The following DNMBP variants were observed in gnomAD, a reference collection of about 807,000 sequenced individuals.
DNMBP encodes the protein dynamin binding protein.
In DNMBP, 87 loss-of-function variants were observed where a neutral mutation model predicts 150.0. The observed-to-expected ratio is 0.58, with a 90% confidence interval of 0.49 to 0.69. The LOEUF is 0.69. Ranked by LOEUF, DNMBP falls within the 30% of genes least tolerant of loss-of-function variation. The pLI is 0.00. For missense variants in DNMBP, 1,774 were observed against 1,949.0 expected (o/e 0.91, Z 1.69); for synonymous variants, 711 against 750.4 (o/e 0.95, Z 0.86).
intron 15 of DNMBP, among the ~76,000 whole-genome samples, chr10:99,883,217 T>C (rs915491712): frequency 2.0e-5 from 3 of 152,078 alleles, no homozygotes; most frequent in Non-Finnish European, 4.4e-5. Flanking sequence ...CCTTGTACAC[T>C]TACTTAAATT....
At chr10:99,888,205 T>G (rs1218058667) in intron 12 of DNMBP, among the ~76,000 whole-genome samples, 1 of 123,812 alleles carries the variant, frequency 8.1e-6, no homozygotes, top group African/African-American at 3.4e-5. Context: ...GTTTTTTTTT[T>G]GTTTGTTTGT....
chr10:99,928,503 A>C (rs2040108184), intron 4 of DNMBP, among the ~76,000 whole-genome samples: 1 of 152,164 alleles, frequency 6.6e-6, no homozygotes, highest in Non-Finnish European at 1.5e-5. Context: ...ATACACACAC[A>C]CGAAAGGTTT....
chr10:99,997,927 C>CAAAAAAAAAAAAA (rs71009798), intron 1 of DNMBP, among the ~76,000 whole-genome samples: 1 of 22,326 alleles, frequency 4.5e-5, no homozygotes, highest in Non-Finnish European at 8.0e-5. Context: ...GACTCTGTCT[C>CAAAAAAAAAAAAA]AAAAAAAAAA....
At chr10:99,952,102 A>C (rs770763555) in intron 4 of DNMBP, among the ~76,000 whole-genome samples, 18 of 152,144 alleles carry the variant, frequency 1.2e-4, no homozygotes, top group Non-Finnish European at 2.2e-4. Flanking sequence ...GTCTCCCTAC[A>C]CAAACTCTCT....
chr10:99,938,721 A>T (rs932651270), intron 4 of DNMBP, among the ~76,000 whole-genome samples: 7 of 152,216 alleles, frequency 4.6e-5, no homozygotes, highest in Non-Finnish European at 1.0e-4. Context: ...ACTCAGATCT[A>T]AACAAAAGCT....
chr10:99,895,511 C>T (rs992361454), intron 10 of DNMBP, among the ~76,000 whole-genome samples: 1 of 152,196 alleles, frequency 6.6e-6, no homozygotes, highest in Admixed American at 6.5e-5. Context: ...GATTTAAACA[C>T]CTGCATGTGG....
At chr10:99,990,928 C>G (rs1050793344) in intron 1 of DNMBP, among the ~76,000 whole-genome samples, 11 of 151,764 alleles carry the variant, frequency 7.2e-5, no homozygotes, top group Non-Finnish European at 1.3e-4. Context: ...CTGGTTGTTT[C>G]TCTTCATCTC....
At chr10:99,962,585 T>C (rs544514448) in intron 3 of DNMBP, among the ~76,000 whole-genome samples, 173 of 151,858 alleles carry the variant, frequency 1.1e-3, no homozygotes, top group Middle Eastern at 6.8e-3. Flanking sequence ...GAGCCGAGAT[T>C]GTGCCACTGC....
chr10:99,995,056 AT>A (rs752654175), intron 1 of DNMBP, among the ~76,000 whole-genome samples: 431 of 128,046 alleles, frequency 3.4e-3, no homozygotes, highest in East Asian at 0.018. Flanking sequence ...CTTGAAAACA[AT>A]TTTTTTTTTT....
chr10:99,930,981 G>C lies in DNMBP; in HGVS notation c.2261-21835C>G, dbSNP rs1178623343. On this transcript the variant is annotated intron_variant, in intron 4 of 16. Coordinates refer to ENST00000324109, the MANE Select transcript of DNMBP (RefSeq NM_015221.4). ...CAGCGAGCTACTCTATCTTTCTCCA[G>C]AGGCCAGAAGATAATGAGTAACTAG... The C allele has an allele frequency of 8.9e-6, 4 of 449,532 alleles. No homozygotes were observed. The East Asian group carries it at 1.4e-4, about 16-fold the overall frequency. 27.8% of individuals were successfully genotyped at this position (449,532 alleles called of 1,614,324 possible). A position where few individuals can be genotyped will look rare whatever the true frequency, so the allele number is the denominator to read the frequency against.
intron 1 of DNMBP, among the ~76,000 whole-genome samples, chr10:99,977,205 G>A (rs537355438): frequency 2.9e-4 from 44 of 152,206 alleles, no homozygotes; most frequent in East Asian, 9.6e-4. Flanking sequence ...CTGAAGTCAC[G>A]GCCTCGCTAA....
chr10:99,972,371 G>C (rs1025652813), intron 1 of DNMBP, among the ~76,000 whole-genome samples: 1 of 152,038 alleles, frequency 6.6e-6, no homozygotes, highest in African/African-American at 2.4e-5. Flanking sequence ...CTGGGCTCAG[G>C]TGATTCTCCC....
chr10:99,918,338 A>T (rs1461290905), intron 4 of DNMBP, among the ~76,000 whole-genome samples: 10 of 152,066 alleles, frequency 6.6e-5, no homozygotes, highest in Admixed American at 6.6e-4. Flanking sequence ...AGGTAAATCT[A>T]TTACAGTTAG....
chr10:100,005,711 G>A (rs12775700), intron 1 of DNMBP, among the ~76,000 whole-genome samples: 40,450 of 140,150 alleles, frequency 0.29, 5,811 homozygotes, highest in Admixed American at 0.33. Context: ...CCGAGATCTC[G>A]CCACTGTACT....
intron 1 of DNMBP, among the ~76,000 whole-genome samples, chr10:100,004,132 CT>C (rs2041044668): frequency 6.7e-6 from 1 of 150,358 alleles, no homozygotes; most frequent in Non-Finnish European, 1.5e-5. Context: ...GTGGTCTCAG[CT>C]ACTTGGGAGG....
intron 12 of DNMBP, 65 bp from the exon 13 acceptor site, chr10:99,886,697 C>T: frequency 2.0e-6 from 3 of 1,493,820 alleles, no homozygotes; most frequent in Non-Finnish European, 2.7e-6. Flanking sequence ...TTATCCAAGT[C>T]ACTCTTAAGG....
At chr10:99,925,506 C>G (rs867766196) in intron 4 of DNMBP, among the ~76,000 whole-genome samples, 5 of 152,150 alleles carry the variant, frequency 3.3e-5, no homozygotes, top group Non-Finnish European at 5.9e-5. Flanking sequence ...ACCTCCACCT[C>G]CTGGGTTCAA....
At chr10:99,996,399 A>G (rs1273666487) in intron 1 of DNMBP, among the ~76,000 whole-genome samples, 1 of 152,216 alleles carries the variant, frequency 6.6e-6, no homozygotes, top group African/African-American at 2.4e-5. Context: ...ACCCGCCTGT[A>G]ATCCCAGCTA....
intron 6 of DNMBP, among the ~76,000 whole-genome samples, chr10:99,904,998 G>C (rs1346835317): frequency 6.6e-6 from 1 of 152,038 alleles, no homozygotes; most frequent in Non-Finnish European, 1.5e-5. Context: ...GTAATAAACT[G>C]GAAGAAAAAT....
Sources: allele counts gnomAD v4.1 joint callset (sites outside exome capture counted in the v4.1 genomes callset), GRCh38; gene constraint gnomAD v4.1.1; transcripts MANE v1.5; gene names NCBI Gene and HGNC (gene_info 2026-07-23, HGNC 2026-07-21).